PPP4R1: variants seen among roughly 807,000 people sequenced by gnomAD.
PPP4R1 encodes the protein protein phosphatase 4 regulatory subunit 1, also known as serine/threonine-protein phosphatase 4 regulatory subunit 1.
A neutral mutation model predicts 111.2 loss-of-function variants in PPP4R1; 42 were observed. The ratio of observed to expected loss-of-function variants is 0.38; its 90% CI spans 0.29 to 0.49. The LOEUF (loss-of-function observed/expected upper bound fraction) is 0.49. Among genes scored for constraint, PPP4R1 ranks in the 20% least tolerant of loss-of-function variants. The pLI, the probability that PPP4R1 is intolerant of heterozygous loss-of-function variation, is 0.97. For synonymous variants in PPP4R1, 409 were observed against 405.5 expected (o/e 1.01, Z -0.10); for missense variants, 1,012 against 1,161.6 (o/e 0.87, Z 1.87).
At chr18:9,609,146 T>A (rs956678537) in intron 2 of PPP4R1, among the ~76,000 whole-genome samples, 1 of 152,180 alleles carries the variant, frequency 6.6e-6, no homozygotes. Flanking sequence ...ACTGAAACCA[T>A]TTTAAAAGCA....
At chr18:9,589,197 T>A (rs545889815) in intron 4 of PPP4R1, among the ~76,000 whole-genome samples, 3 of 152,276 alleles carry the variant, frequency 2.0e-5, no homozygotes, top group African/African-American at 7.2e-5. Flanking sequence ...CTCTGACACA[T>A]ACATAGTATT....
chr18:9,608,164 TTG>T (rs2067516746), intron 2 of PPP4R1, among the ~76,000 whole-genome samples: 1 of 152,190 alleles, frequency 6.6e-6, no homozygotes, highest in Non-Finnish European at 1.5e-5. Flanking sequence ...TCACACAGAC[TTG>T]TGTGTGAATG....
intron 4 of PPP4R1, among the ~76,000 whole-genome samples, chr18:9,591,913 A>C (rs144590029): frequency 1.2e-3 from 181 of 152,318 alleles, no homozygotes; most frequent in African/African-American, 4.1e-3. Flanking sequence ...CTAAAAATAC[A>C]AAAATTAACT....
At chr18:9,583,020 CTT>C in intron 9 of PPP4R1, 95 bp downstream of exon 9, 1 of 1,095,410 alleles carries the variant, frequency 9.1e-7, no homozygotes, top group Non-Finnish European at 1.2e-6. Context: ...AATAATATAT[CTT>C]AAATTATAAG....
intron 15 of PPP4R1, among the ~76,000 whole-genome samples, chr18:9,554,930 T>A (rs1463459063): frequency 1.3e-5 from 2 of 152,204 alleles, no homozygotes; most frequent in Non-Finnish European, 2.9e-5. Flanking sequence ...GAGTCCCCAC[T>A]AATACTAAAA....
chr18:9,586,780 G>A (rs982888669), intron 6 of PPP4R1, among the ~76,000 whole-genome samples: 2 of 151,966 alleles, frequency 1.3e-5, no homozygotes, highest in East Asian at 1.9e-4. Context: ...ATTTCCAGAC[G>A]AATTTATCAC....
chr18:9,613,408 G>A (rs1369493026), intron 2 of PPP4R1: 2 of 152,170 alleles, frequency 1.3e-5, no homozygotes, highest in Non-Finnish European at 1.5e-5. Context: ...CTGAGGCTTA[G>A]AAAAGTACAT....
chr18:9,568,719 T>A (rs1046132700), intron 11 of PPP4R1, among the ~76,000 whole-genome samples: 5 of 152,172 alleles, frequency 3.3e-5, no homozygotes, highest in African/African-American at 1.2e-4. Context: ...GGTAATCTTT[T>A]GTTCATAAAA....
chr18:9,594,975 C>T (rs1598947821), intron 3 of PPP4R1, 43 bp downstream of exon 3: 1 of 1,596,540 alleles, frequency 6.3e-7, no homozygotes, highest in Non-Finnish European at 8.6e-7. Flanking sequence ...GTTAATAAAA[C>T]CACCCTTCCA....
chr18:9,576,573 C>A (rs2066938740), intron 10 of PPP4R1, among the ~76,000 whole-genome samples: 2 of 152,170 alleles, frequency 1.3e-5, no homozygotes, highest in South Asian at 4.1e-4. Context: ...CTTTAACTGA[C>A]AGATTACAAT....
In PPP4R1 at chr18:9,570,426, C is replaced by T. The variant is rs764377010; in HGVS notation, c.1304G>A (p.Arg435Gln). The T allele has an allele frequency of 4.2e-5, 67 of 1,613,984 alleles. No homozygotes were observed. Among genetic ancestry groups the T allele is most frequent in the Non-Finnish European group, 5.6e-5 (66 of 1,179,988 alleles). ...KKPGNYKSML[R>Q]PEVGTTSQDS... ...TTGTGAAGTGGTGCCAACCTCTGGT[C>T]GTAACATAGATTTGTAGTTACCAGG... The change falls in exon 11 of 20, where the codon CGA becomes CAA. Residue 435 changes from arginine (R) to glutamine (Q), a missense_variant. Coordinates refer to ENST00000400556, the MANE Select transcript of PPP4R1 (RefSeq NM_001042388.3).
rs1418157556 is a variant in PPP4R1 at position 9,595,145 on chromosome 18, C to T, written c.61G>A (p.Asp21Asn). The T allele has an allele frequency of 6.2e-7, 1 of 1,613,634 alleles. No homozygotes were observed. Among genetic ancestry groups the T allele is most frequent in the East Asian group, 2.2e-5 (1 of 44,852 alleles). Reference sequence around the variant, plus strand: ...ACATCAGACTCTGAGCTGTAGTCATCCACACCAACTATCAGAGACATCAGA... The same window carrying T: ...ACATCAGACTCTGAGCTGTAGTCATTCACACCAACTATCAGAGACATCAGA... ...LQEDADGFGV[D>N]DYSSESDVII... is the part of the protein sequence containing the mutation. Residue 21 changes from aspartate (D) to asparagine (N), a missense_variant, in exon 3 of 20, where the codon GAT becomes AAT. Physicochemically the swap from Asp to Asn is conservative, Grantham distance 23 (BLOSUM62 1). Transcript: ENST00000400556.
chr18:9,573,235 T>A (rs762240159), intron 10 of PPP4R1, among the ~76,000 whole-genome samples: 2 of 152,228 alleles, frequency 1.3e-5, no homozygotes, highest in Non-Finnish European at 2.9e-5. Flanking sequence ...CTAGATTAGC[T>A]AACAGTATTG....
intron 16 of PPP4R1, 154 bp from the exon 17 acceptor site, chr18:9,550,552 T>C (rs986865017): frequency 3.9e-6 from 3 of 763,594 alleles, no homozygotes; most frequent in Non-Finnish European, 6.2e-6. Flanking sequence ...TCCTGTACAG[T>C]TACCTCCAGT....
chr18:9,601,858 C>T (rs1448120356), intron 2 of PPP4R1, among the ~76,000 whole-genome samples: 1 of 152,158 alleles, frequency 6.6e-6, no homozygotes, highest in East Asian at 1.9e-4. Flanking sequence ...ACACTTAAAG[C>T]TTTAGTTCAT....
rs886759220 is a variant in PPP4R1, at chr18:9,555,973, A to AAAAC, written c.2190+1244_2190+1247dup. On this transcript the variant is annotated intron_variant, in intron 15 of 19. Transcript: ENST00000400556. ...AACACGGTGAAACCCCATCTCTACTAAAACAAACAAACAAACAAACAAACA... is the reference window on the plus strand; with the variant it reads ...AACACGGTGAAACCCCATCTCTACTAAAACAAACAAACAAACAAACAAACAAACA... Among the ~76,000 whole-genome samples the AAAAC allele has an allele frequency of 2.5e-4, 36 of 144,188 alleles. 1 individual carries two copies. Among genetic ancestry groups the AAAAC allele is most frequent in the Non-Finnish European group, 4.4e-4 (29 of 66,094 alleles). 94.6% of individuals were successfully genotyped at this position (144,188 alleles called of 152,430 possible). A position where few individuals can be genotyped will look rare whatever the true frequency, so the allele number is the denominator to read the frequency against.
intron 16 of PPP4R1, among the ~76,000 whole-genome samples, chr18:9,552,468 C>A (rs2066504653): frequency 6.6e-6 from 1 of 152,066 alleles, no homozygotes; most frequent in Non-Finnish European, 1.5e-5. Flanking sequence ...CAAATATGCA[C>A]AATTATTATT....
At chr18:9,588,540 G>A (rs1281915412) in intron 5 of PPP4R1, among the ~76,000 whole-genome samples, 171 bp downstream of exon 5, 1 of 152,094 alleles carries the variant, frequency 6.6e-6, no homozygotes, top group Non-Finnish European at 1.5e-5. Context: ...TGTCCATAAT[G>A]GCATTAAAGG....
intron 16 of PPP4R1, chr18:9,550,605 T>C (rs2066473682): frequency 1.7e-6 from 1 of 581,056 alleles, no homozygotes; most frequent in Non-Finnish European, 3.0e-6. Flanking sequence ...TTCAAGTTCC[T>C]TAGAGTGTAA....
Sources: allele counts gnomAD v4.1 joint callset (sites outside exome capture counted in the v4.1 genomes callset), GRCh38; gene constraint gnomAD v4.1.1; transcripts MANE v1.5; gene names NCBI Gene and HGNC (gene_info 2026-07-23, HGNC 2026-07-21).